OR3A2: variants seen among roughly 807,000 people sequenced by gnomAD.
OR3A2 encodes olfactory receptor family 3 subfamily A member 2, also known as olfactory receptor 3A2.
For missense variants in OR3A2, 318 were observed against 392.8 expected (o/e 0.81, Z 1.61); for synonymous variants, 126 against 159.3 (o/e 0.79, Z 1.57).
chr17:3,318,422 A>G (rs202187029), intron 3 of OR3A2, among the ~76,000 whole-genome samples: 64 of 152,306 alleles, frequency 4.2e-4, no homozygotes, highest in African/African-American at 1.5e-3. Flanking sequence ...GACTAGCAGG[A>G]AGATGAGTTT....
At chr17:3,379,775 T>A (rs1169182724) in intron 2 of OR3A2, among the ~76,000 whole-genome samples, 1 of 152,116 alleles carries the variant, frequency 6.6e-6, no homozygotes, top group Non-Finnish European at 1.5e-5. Flanking sequence ...ACCCCGTCCC[T>A]CACATGCCAT....
At chr17:3,331,969 C>A (rs1212728253) in intron 3 of OR3A2, among the ~76,000 whole-genome samples, 1 of 151,888 alleles carries the variant, frequency 6.6e-6, no homozygotes, top group African/African-American at 2.4e-5. Flanking sequence ...TTGGAATACC[C>A]TGCCGTGTGA....
intron 1 of OR3A2, among the ~76,000 whole-genome samples, chr17:3,283,545 T>C (rs972508000): frequency 8.5e-5 from 13 of 152,106 alleles, no homozygotes; most frequent in Non-Finnish European, 1.9e-4. Flanking sequence ...ATTTCTTAAA[T>C]AAATGGATGG....
chr17:3,300,163 A>C (rs2048951335), intron 3 of OR3A2, among the ~76,000 whole-genome samples: 1 of 151,972 alleles, frequency 6.6e-6, no homozygotes, highest in Non-Finnish European at 1.5e-5. Flanking sequence ...TGCTTCAAAA[A>C]ACAACTTTTA....
intron 3 of OR3A2, among the ~76,000 whole-genome samples, chr17:3,321,976 T>C (rs1416643810): frequency 6.6e-6 from 1 of 152,182 alleles, no homozygotes; most frequent in Non-Finnish European, 1.5e-5. Context: ...TCCTTGTACC[T>C]CTGGTAGAAT....
At chr17:3,298,601 G>A (rs2048939370) in intron 3 of OR3A2, among the ~76,000 whole-genome samples, 1 of 152,162 alleles carries the variant, frequency 6.6e-6, no homozygotes, top group South Asian at 2.1e-4. Flanking sequence ...ATGTTATCTC[G>A]AACAAGACTC....
rs146689251 is a variant in OR3A2 at position 3,305,843 on chromosome 17, T to G, written c.-84-26690A>C. On this transcript the variant is annotated intron_variant, in intron 3 of 4. Coordinates refer to the OR3A2 transcript ENST00000573491. The stretch of plus-strand genomic sequence containing the variant: ...GTGGACACGTGCATAGGAATAGTGA[T>G]TAGGTGGTAATTATTTGGTTCGTGC... 4.1e-4 allele frequency among the ~76,000 whole-genome samples: 62 copies of G among 152,326 alleles called. No individual in the cohort carries two copies. The East Asian group carries it at 0.012, about 28-fold the overall frequency.
intron 2 of OR3A2, among the ~76,000 whole-genome samples, chr17:3,370,171 T>C (rs775893864): frequency 2.0e-5 from 3 of 152,202 alleles, no homozygotes; most frequent in Non-Finnish European, 4.4e-5. Flanking sequence ...TTTTGTGTTG[T>C]TGGCATTTTT....
chr17:3,355,270 T>C (rs532659171), intron 2 of OR3A2, among the ~76,000 whole-genome samples: 1 of 151,724 alleles, frequency 6.6e-6, no homozygotes, highest in South Asian at 2.1e-4. Context: ...ATGTGTATTC[T>C]GCAGCCTTTG....
chr17:3,374,842 C>T (rs12452795), intron 2 of OR3A2, among the ~76,000 whole-genome samples: 1 of 152,100 alleles, frequency 6.6e-6, no homozygotes. Flanking sequence ...AATTTGTAGT[C>T]TTTTATCCCT....
At chr17:3,373,458 T>C (rs187049896) in intron 2 of OR3A2, among the ~76,000 whole-genome samples, 180 of 152,350 alleles carry the variant, frequency 1.2e-3, no homozygotes, top group Non-Finnish European at 2.3e-3. Context: ...AATTGTTTTA[T>C]ACATTTGGGA....
chr17:3,370,748 G>C (rs2049608197), intron 2 of OR3A2, among the ~76,000 whole-genome samples: 1 of 151,418 alleles, frequency 6.6e-6, no homozygotes, highest in Non-Finnish European at 1.5e-5. Context: ...AAGGTCTCTG[G>C]TTTTCCTAGG....
chr17:3,380,386 C>A (rs1194345722), intron 2 of OR3A2, among the ~76,000 whole-genome samples: 5 of 152,104 alleles, frequency 3.3e-5, no homozygotes, highest in Admixed American at 3.3e-4. Context: ...GATTACTGAG[C>A]GACTGCAGAC....
chr17:3,331,072 CGA>C (rs1276619932), intron 3 of OR3A2, among the ~76,000 whole-genome samples: 2 of 152,066 alleles, frequency 1.3e-5, no homozygotes, highest in Non-Finnish European at 2.9e-5. Context: ...GGGTTTCTGC[CGA>C]GAGATCAGCT....
chr17:3,314,101 A>C (rs1380832900), intron 3 of OR3A2, among the ~76,000 whole-genome samples: 3 of 152,252 alleles, frequency 2.0e-5, no homozygotes, highest in Admixed American at 1.3e-4. Context: ...TTGTGCATGA[A>C]ATGCAATATC....
intron 2 of OR3A2, among the ~76,000 whole-genome samples, chr17:3,354,041 ATG>A (rs2049442555): frequency 6.6e-6 from 1 of 151,632 alleles, no homozygotes; most frequent in Non-Finnish European, 1.5e-5. Context: ...CTTAGTTATG[ATG>A]AGTAATTTTT....
chr17:3,380,920 A>C (rs2049730197), intron 2 of OR3A2, among the ~76,000 whole-genome samples: 1 of 152,200 alleles, frequency 6.6e-6, no homozygotes, highest in Non-Finnish European at 1.5e-5. Context: ...TTTGCGTGTA[A>C]GATTCACGTG....
Position 3,333,749 on chromosome 17 carries a change from C to A in OR3A2, c.-85+2284G>T, listed in dbSNP as rs149553919. On this transcript the variant is annotated intron_variant, in intron 3 of 4. Transcript: ENST00000573491. ...CAATTGCAACAAAAGAAAAAATTGA[C>A]AAAAGGGAGGCAATTAAACTAAAGA... Among the ~76,000 whole-genome samples, 774 of 152,104 alleles carry A rather than the reference C, an allele frequency of 5.1e-3. 4 individuals are homozygous for A. The highest frequency in any genetic ancestry group is 0.018 in the African/African-American group (738 of 41,486).
At chr17:3,334,384 G>A (rs1463099285) in intron 3 of OR3A2, among the ~76,000 whole-genome samples, 1 of 152,114 alleles carries the variant, frequency 6.6e-6, no homozygotes, top group Admixed American at 6.5e-5. Flanking sequence ...ACATATGAGT[G>A]AGAACATGCA....
Sources: allele counts gnomAD v4.1 joint callset (sites outside exome capture counted in the v4.1 genomes callset), GRCh38; gene constraint gnomAD v4.1.1; transcripts MANE v1.5; gene names NCBI Gene and HGNC (gene_info 2026-07-23, HGNC 2026-07-21).